Variants in TNKS2 observed in about 807,000 individuals in gnomAD.
TNKS2 encodes tankyrase 2.
TNKS2 carries 72 observed loss-of-function variants against 137.6 expected under a neutral mutation model. That is an observed-to-expected ratio of 0.52 (90% CI 0.43 to 0.64). The LOEUF (loss-of-function observed/expected upper bound fraction) is 0.64. TNKS2 is among the 30% of genes least tolerant of loss of function. The pLI is 0.00. For synonymous variants in TNKS2, 516 were observed against 512.1 expected (o/e 1.01, Z -0.10); for missense variants, 1,049 against 1,410.2 (o/e 0.74, Z 4.10).
At position 91,812,309 on chromosome 10, in the gene TNKS2, T is replaced by C. The variant is rs1296931494; in HGVS notation, c.200-674T>C. On this transcript the variant is annotated intron_variant, in intron 1 of 26. Coordinates refer to ENST00000371627, the MANE Select transcript of TNKS2 (RefSeq NM_025235.4). ...CCAGACTTTTTTTGTTTTATTTGAT[T>C]TGGGGGCAGTTGAGCAGAACTGTGG... Among the ~76,000 whole-genome samples, 3 of 152,144 alleles carry C rather than the reference T, an allele frequency of 2.0e-5. No homozygotes were observed. The East Asian group carries it at 5.8e-4, about 29-fold the overall frequency.
intron 23 of TNKS2, among the ~76,000 whole-genome samples, chr10:91,856,356 G>C (rs948677533): frequency 6.6e-6 from 1 of 152,154 alleles, no homozygotes; most frequent in Admixed American, 6.5e-5. Flanking sequence ...GAATTAATAT[G>C]TGACAAATGC....
intron 13 of TNKS2, 144 bp downstream of exon 13, chr10:91,837,142 A>G (rs1842050574): frequency 1.5e-6 from 1 of 659,974 alleles, no homozygotes; most frequent in Non-Finnish European, 2.3e-6. Flanking sequence ...ATTGTTCTCT[A>G]CAAATGAGTA....
At chr10:91,840,268 A>T (rs1311180507) in intron 13 of TNKS2, among the ~76,000 whole-genome samples, 2 of 152,152 alleles carry the variant, frequency 1.3e-5, no homozygotes, top group African/African-American at 4.8e-5. Flanking sequence ...TGAACCCAGG[A>T]AACAGAGGTT....
rs927418652 is a variant in TNKS2, at chr10:91,798,667, C to G, written c.-24C>G. On this transcript the variant is annotated 5_prime_UTR_variant, in exon 1 of 27. Coordinates refer to ENST00000371627, the MANE Select transcript of TNKS2 (RefSeq NM_025235.4). ...CCTGCTCCGGTTGCTGGCGCTGTTG[C>G]TGGCTGTGGCGGCGGCCAGGATCAT... 2.4e-5 allele frequency: 29 copies of G among 1,221,962 alleles called. No individual in the cohort carries two copies. The highest frequency in any genetic ancestry group is 2.9e-5 in the Non-Finnish European group (28 of 979,874). 75.7% of individuals were successfully genotyped at this position (1,221,962 alleles called of 1,614,324 possible). A position where few individuals can be genotyped will look rare whatever the true frequency, so the allele number is the denominator to read the frequency against.
At chr10:91,830,417 C>T (rs1845209617) in intron 9 of TNKS2, among the ~76,000 whole-genome samples, 1 of 152,094 alleles carries the variant, frequency 6.6e-6, no homozygotes, top group Non-Finnish European at 1.5e-5. Flanking sequence ...GGGGTTTCAC[C>T]ATGTTGGCCA....
intron 21 of TNKS2, among the ~76,000 whole-genome samples, chr10:91,852,546 C>T (rs1019688668): frequency 1.1e-4 from 17 of 152,186 alleles, no homozygotes; most frequent in African/African-American, 3.9e-4. Flanking sequence ...GTTGACAGAG[C>T]GAGACTCCGT....
intron 11 of TNKS2, 51 bp from the exon 12 acceptor site, chr10:91,833,802 G>C: frequency 1.4e-6 from 2 of 1,436,538 alleles, no homozygotes; most frequent in Non-Finnish European, 1.9e-6. Flanking sequence ...TGATTGTATG[G>C]TTTTAAATTT....
chr10:91,804,599 T>C (rs1844267276), intron 1 of TNKS2, among the ~76,000 whole-genome samples: 1 of 152,230 alleles, frequency 6.6e-6, no homozygotes, highest in Non-Finnish European at 1.5e-5. Flanking sequence ...CTATTCATGT[T>C]CTACCTGGCC....
chr10:91,828,074 A>G (rs1177799813), intron 8 of TNKS2, among the ~76,000 whole-genome samples: 1 of 152,200 alleles, frequency 6.6e-6, no homozygotes. Context: ...TCTTGAGGCC[A>G]TATGTCTATA....
At chr10:91,840,323 G>C (rs994443623) in intron 13 of TNKS2, among the ~76,000 whole-genome samples, 3 of 152,132 alleles carry the variant, frequency 2.0e-5, no homozygotes, top group African/African-American at 7.2e-5. Context: ...CTGGGTAAGA[G>C]AGCTAGACTC....
chr10:91,822,278 C>A lies in TNKS2; in HGVS notation c.729-18C>A. 1.3e-6 allele frequency: 2 copies of A among 1,594,926 alleles called. No homozygotes were observed. Among genetic ancestry groups the A allele is most frequent in the Non-Finnish European group, 1.7e-6 (2 of 1,169,366 alleles). On this transcript the variant is annotated intron_variant, in intron 6 of 26. Coordinates refer to ENST00000371627, the MANE Select transcript of TNKS2 (RefSeq NM_025235.4). ...AAATCTATACTGAAACAGGATTTTC[C>A]CCCCCTTCTCATTGTAGTGATCTGG... is the stretch of plus-strand genomic sequence containing the variant.
intron 3 of TNKS2, among the ~76,000 whole-genome samples, chr10:91,818,323 T>C (rs1482063193): frequency 6.6e-6 from 1 of 152,158 alleles, no homozygotes; most frequent in Non-Finnish European, 1.5e-5. Flanking sequence ...AGAAAAGAAA[T>C]AAAAGAGTTC....
At chr10:91,840,900 A>G (rs976024812) in intron 14 of TNKS2, among the ~76,000 whole-genome samples, 194 bp downstream of exon 14, 18 of 152,234 alleles carry the variant, frequency 1.2e-4, no homozygotes, top group African/African-American at 4.1e-4. Flanking sequence ...TATTGGCATA[A>G]TGCCTGAGAA....
At chr10:91,816,049 C>T (rs978875178) in intron 2 of TNKS2, among the ~76,000 whole-genome samples, 24 of 149,458 alleles carry the variant, frequency 1.6e-4, no homozygotes, top group Admixed American at 1.3e-3. Flanking sequence ...CCCGGGTTCA[C>T]GCCATTCTAC....
intron 8 of TNKS2, among the ~76,000 whole-genome samples, chr10:91,827,893 G>A (rs575688209): frequency 3.5e-4 from 54 of 152,278 alleles, no homozygotes; most frequent in African/African-American, 1.3e-3. Context: ...GTCTGCTATA[G>A]CCATGATGTC....
At chr10:91,816,889 A>G (rs1233973008) in intron 2 of TNKS2, among the ~76,000 whole-genome samples, 2 of 152,200 alleles carry the variant, frequency 1.3e-5, no homozygotes, top group Non-Finnish European at 2.9e-5. Context: ...CTATATAAAT[A>G]GCAAAGGAAA....
At position 91,799,993 on chromosome 10, in the gene TNKS2, CACTT is replaced by C. The variant is rs1027492110; in HGVS notation, c.199+1105_199+1108del. Among the ~76,000 whole-genome samples, 540 of 152,304 alleles carry C rather than the reference CACTT, an allele frequency of 3.5e-3. 6 individuals are homozygous for C. The highest frequency in any genetic ancestry group is 0.013 in the African/African-American group (526 of 41,564). ...TCCTCTTTCACAGATATTACTTTTACACTTTCTACCAATTGGAGATTTGTTCGCT... is the reference window on the plus strand; with the variant it reads ...TCCTCTTTCACAGATATTACTTTTACTCTACCAATTGGAGATTTGTTCGCT... On this transcript the variant is annotated intron_variant, in intron 1 of 26. Coordinates refer to ENST00000371627, the MANE Select transcript of TNKS2 (RefSeq NM_025235.4).
At chr10:91,857,308 A>G in intron 23 of TNKS2, 117 bp from the exon 24 acceptor site, 1 of 502,820 alleles carries the variant, frequency 2.0e-6, no homozygotes, top group South Asian at 4.8e-5. Flanking sequence ...CACATTTTAT[A>G]TTTCAGAGTA....
chr10:91,831,184 A>AT lies in TNKS2; in HGVS notation c.1275+4dup. 6.2e-7 allele frequency: 1 copy of AT among 1,612,762 alleles called. No individual in the cohort carries two copies. ...TAGTGGTGAAACATGAAGCAAAGGT[A>AT]TACTTCCTTTTTGGTAATCTTTGGT... On this transcript the variant is annotated splice_donor_region_variant and intron_variant, in intron 11 of 26. Coordinates refer to ENST00000371627, the MANE Select transcript of TNKS2 (RefSeq NM_025235.4).
Sources: gnomAD v4.1 joint callset for allele counts (sites outside exome capture counted in the v4.1 genomes callset) on GRCh38, gnomAD v4.1.1 for gene constraint, MANE v1.5 for transcripts, NCBI Gene and HGNC (gene_info 2026-07-23, HGNC 2026-07-21) for gene names.